Variants in SLC22A3 observed in about 807,000 individuals in gnomAD.
The protein encoded by SLC22A3 is EMT organic cation transporter 3.
Under a neutral mutation model 59.1 loss-of-function variants are expected in SLC22A3, and 51 were observed. The observed-to-expected ratio is 0.86, with a 90% confidence interval of 0.69 to 1.09. The LOEUF (loss-of-function observed/expected upper bound fraction) is 1.09. Ranked by LOEUF, SLC22A3 falls within the 50% of genes least tolerant of loss-of-function variation. The pLI is 0.00. For synonymous variants in SLC22A3, 325 were observed against 292.0 expected, an observed-to-expected ratio of 1.11 and a Z score of -1.15; for missense variants, 711 against 726.3, an observed-to-expected ratio of 0.98 and a Z score of 0.24.
At chr6:160,434,857 GTGA>G (rs2114910833) in intron 5 of SLC22A3, among the ~76,000 whole-genome samples, 1 of 152,274 alleles carries the variant, frequency 6.6e-6, no homozygotes, top group East Asian at 1.9e-4. Flanking sequence ...CAAAAATACA[GTGA>G]TGAAAAAGAT....
chr6:160,442,708 G>A (rs1788594085), intron 7 of SLC22A3, 53 bp from the exon 8 acceptor site: 2 of 1,320,674 alleles, frequency 1.5e-6, no homozygotes, highest in Middle Eastern at 1.8e-4. Flanking sequence ...TCTGTAAAAT[G>A]TTAATGAAAT....
intron 1 of SLC22A3, among the ~76,000 whole-genome samples, chr6:160,378,727 C>CAA (rs1350503984): frequency 2.6e-5 from 4 of 152,154 alleles, no homozygotes; most frequent in Admixed American, 2.0e-4. Context: ...GCCCAGCCTA[C>CAA]TTTAAATTGC....
At chr6:160,432,432 A>ATTT (rs35059975) in intron 5 of SLC22A3, among the ~76,000 whole-genome samples, 49 of 141,036 alleles carry the variant, frequency 3.5e-4, no homozygotes, top group Middle Eastern at 3.7e-3. Context: ...TGTAGGCTTA[A>ATTT]TTTTTTTTTT....
chr6:160,355,245 C>T (rs1373940159), intron 1 of SLC22A3, among the ~76,000 whole-genome samples: 2 of 152,188 alleles, frequency 1.3e-5, no homozygotes, highest in African/African-American at 4.8e-5. Context: ...GCTGTGGGCA[C>T]CTGACAAAAT....
intron 1 of SLC22A3, among the ~76,000 whole-genome samples, chr6:160,351,509 A>G (rs1784660550): frequency 1.3e-5 from 2 of 152,166 alleles, no homozygotes; most frequent in Admixed American, 1.3e-4. Flanking sequence ...ATAAAGTTCA[A>G]CTATCCAAAA....
intron 3 of SLC22A3, among the ~76,000 whole-genome samples, chr6:160,408,240 A>G (rs1246787949): frequency 2.6e-5 from 4 of 152,198 alleles, no homozygotes; most frequent in African/African-American, 4.8e-5. Flanking sequence ...TGTCAATGAA[A>G]AGTATAACAC....
At chr6:160,354,640 A>G (rs1015048392) in intron 1 of SLC22A3, among the ~76,000 whole-genome samples, 3 of 152,120 alleles carry the variant, frequency 2.0e-5, no homozygotes, top group Non-Finnish European at 4.4e-5. Flanking sequence ...AACTATACAA[A>G]AATATTTTAA....
chr6:160,437,531 C>T (rs1268077642), intron 7 of SLC22A3, among the ~76,000 whole-genome samples: 1 of 152,136 alleles, frequency 6.6e-6, no homozygotes, highest in African/African-American at 2.4e-5. Context: ...TAACTTATTT[C>T]CTGAACCTCT....
chr6:160,356,694 T>C (rs548224626), intron 1 of SLC22A3, among the ~76,000 whole-genome samples: 3 of 152,332 alleles, frequency 2.0e-5, no homozygotes, highest in Non-Finnish European at 2.9e-5. Flanking sequence ...CTCGGTTTTT[T>C]CCCCACCCCC....
intron 1 of SLC22A3, among the ~76,000 whole-genome samples, chr6:160,350,014 C>T (rs1395248464): frequency 1.3e-5 from 2 of 152,148 alleles, no homozygotes; most frequent in East Asian, 1.9e-4. Context: ...TTGGGAGTGT[C>T]GGTGGTTGCA....
intron 1 of SLC22A3, among the ~76,000 whole-genome samples, chr6:160,396,795 C>T (rs1786490423): frequency 6.6e-6 from 1 of 151,742 alleles, no homozygotes; most frequent in South Asian, 2.1e-4. Flanking sequence ...AATTATAACC[C>T]AAGCAGAAAA....
intron 1 of SLC22A3, among the ~76,000 whole-genome samples, chr6:160,373,562 G>C (rs1785477491): frequency 6.6e-6 from 1 of 152,194 alleles, no homozygotes; most frequent in Non-Finnish European, 1.5e-5. Context: ...GCTATGTTCA[G>C]AGCTGGCAGG....
chr6:160,417,020 A>G (rs1787522876), intron 5 of SLC22A3, among the ~76,000 whole-genome samples: 1 of 152,210 alleles, frequency 6.6e-6, no homozygotes, highest in Admixed American at 6.5e-5. Context: ...TATCTGTGAT[A>G]AATTGTATTA....
At chr6:160,421,408 A>G in intron 5 of SLC22A3, among the ~76,000 whole-genome samples, 1 of 152,208 alleles carries the variant, frequency 6.6e-6, no homozygotes, top group East Asian at 1.9e-4. Context: ...TTGCGACATG[A>G]CATTGGCAAC....
At chr6:160,364,344 A>G (rs1238810540) in intron 1 of SLC22A3, among the ~76,000 whole-genome samples, 1 of 152,160 alleles carries the variant, frequency 6.6e-6, no homozygotes, top group African/African-American at 2.4e-5. Flanking sequence ...CTTCTTAACT[A>G]ATTCAGATAT....
At chr6:160,414,976 C>T (rs1787418583) in intron 5 of SLC22A3, among the ~76,000 whole-genome samples, 1 of 152,174 alleles carries the variant, frequency 6.6e-6, no homozygotes, top group Non-Finnish European at 1.5e-5. Context: ...TGAATACCTC[C>T]TTGCTCTTTA....
At position 160,368,097 on chromosome 6, in the gene SLC22A3, C is replaced by A. The variant is rs79050420; in HGVS notation, c.429+19249C>A. Among the ~76,000 whole-genome samples the A allele has an allele frequency of 0.011, 1,667 of 152,260 alleles. 114 individuals are homozygous for A. In the East Asian group the frequency reaches 0.21, roughly 19 times the overall value. On this transcript the variant is annotated intron_variant, in intron 1 of 10. Transcript: ENST00000275300. ...CATGTTGAGTGTCCTGACGTCCACTCTGGCTCTCCAGACTCTGTTCTCTGC... is the reference window on the plus strand; with the variant it reads ...CATGTTGAGTGTCCTGACGTCCACTATGGCTCTCCAGACTCTGTTCTCTGC...
chr6:160,444,185 C>T (rs1234263447), intron 9 of SLC22A3, among the ~76,000 whole-genome samples: 1 of 152,052 alleles, frequency 6.6e-6, no homozygotes, highest in Admixed American at 6.5e-5. Context: ...GCTTGGGCAA[C>T]ATAGCAAGAC....
At chr6:160,449,873 G>A (rs1788884822) in intron 10 of SLC22A3, among the ~76,000 whole-genome samples, 1 of 152,148 alleles carries the variant, frequency 6.6e-6, no homozygotes, top group Admixed American at 6.5e-5. Flanking sequence ...TTTTTATTAA[G>A]GGTTTCAAAA....
Sources: allele counts gnomAD v4.1 joint callset (sites outside exome capture counted in the v4.1 genomes callset), GRCh38; gene constraint gnomAD v4.1.1; transcripts MANE v1.5; gene names NCBI Gene and HGNC (gene_info 2026-07-23, HGNC 2026-07-21).